The following YAF2 variants were observed in gnomAD, a reference collection of about 807,000 sequenced individuals.
YAF2 encodes the protein YY1 associated factor 2, also known as YY1-associated factor 2.
Under a neutral mutation model 20.1 loss-of-function variants are expected in YAF2, and 7 were observed. The observed-to-expected ratio is 0.35, with a 90% CI of 0.20 to 0.65. The LOEUF is 0.65. Ranked by LOEUF, YAF2 falls within the 30% of genes least tolerant of loss-of-function variation. The pLI, the probability that YAF2 is intolerant of heterozygous loss-of-function variation, is 0.69. For synonymous variants in YAF2, 74 were observed against 76.0 expected (o/e 0.97, Z 0.14); for missense variants, 151 against 219.2 (o/e 0.69, Z 1.96).
chr12:42,164,862 G>T (rs1334982190), intron 2 of YAF2, among the ~76,000 whole-genome samples: 1 of 151,982 alleles, frequency 6.6e-6, no homozygotes, highest in Non-Finnish European at 1.5e-5. Flanking sequence ...TTGAGTCCAG[G>T]AGTTCGAGGC....
At chr12:42,184,038 G>T (rs2066410820) in intron 2 of YAF2, among the ~76,000 whole-genome samples, 1 of 152,218 alleles carries the variant, frequency 6.6e-6, no homozygotes, top group African/African-American at 2.4e-5. Flanking sequence ...TAGCACATCT[G>T]TTTACAGCAT....
At chr12:42,170,968 G>GT (rs1321621003) in intron 2 of YAF2, among the ~76,000 whole-genome samples, 2 of 152,204 alleles carry the variant, frequency 1.3e-5, no homozygotes, top group South Asian at 4.1e-4. Flanking sequence ...CTAGAGCAAC[G>GT]TAAGTGGTCA....
chr12:42,172,504 A>AT (rs575551435), intron 2 of YAF2, among the ~76,000 whole-genome samples: 2 of 152,134 alleles, frequency 1.3e-5, no homozygotes, highest in Admixed American at 6.5e-5. Flanking sequence ...TGAGACCTGA[A>AT]TTTTTTTTAA....
At chr12:42,238,050 G>T in intron 1 of YAF2, 105 bp downstream of exon 1, 4 of 868,878 alleles carry the variant, frequency 4.6e-6, no homozygotes, top group Non-Finnish European at 5.9e-6. Context: ...CGCTGCCCCC[G>T]TGCTCGCCCC....
chr12:42,218,063 CTTAA>C (rs1292367786), intron 2 of YAF2, among the ~76,000 whole-genome samples: 2 of 152,096 alleles, frequency 1.3e-5, no homozygotes, highest in Non-Finnish European at 2.9e-5. Flanking sequence ...CTTTTACTGG[CTTAA>C]TTCTTAAGTC....
Position 42,237,703 on chromosome 12 carries a change from C to G in YAF2, c.48G>C (p.Pro16=), listed in dbSNP as rs1409103220. 6.4e-7 allele frequency: 1 copy of G among 1,565,830 alleles called. No homozygotes were observed. The highest frequency in any genetic ancestry group is 1.9e-5 in the Admixed American group (1 of 53,960). The change falls in exon 2 of 4, where the codon CCG becomes CCC. Residue 16 remains proline (P), a synonymous_variant. Coordinates refer to ENST00000534854, the MANE Select transcript of YAF2 (RefSeq NM_005748.6). ...SPTRPKRQPK[P]SSDEGYWDCS... is the part of the protein sequence containing the mutation. The stretch of plus-strand genomic sequence containing the variant: ...AGTCCCAGTAACCCTCATCCGAGGA[C>G]GGCTTCGGCTGCCGCTTCGGCCTGC...
chr12:42,226,945 G>A (rs2137355654), intron 2 of YAF2, among the ~76,000 whole-genome samples: 1 of 149,898 alleles, frequency 6.7e-6, no homozygotes, highest in East Asian at 2.0e-4. Flanking sequence ...CGCGGGTGGT[G>A]GTTGGCGCGG....
chr12:42,221,436 T>A (rs1421404178), intron 2 of YAF2, among the ~76,000 whole-genome samples: 1 of 147,418 alleles, frequency 6.8e-6, no homozygotes, highest in East Asian at 2.0e-4. Flanking sequence ...CTGGGTGTGA[T>A]GGAGCACGCC....
At chr12:42,233,139 C>G (rs1049450507) in intron 2 of YAF2, 15 of 985,148 alleles carry the variant, frequency 1.5e-5, no homozygotes, top group Non-Finnish European at 1.7e-5. Flanking sequence ...AGATATGAAC[C>G]CAGGTTACCA....
chr12:42,235,896 T>C, intron 2 of YAF2: 1 of 1,536,124 alleles, frequency 6.5e-7, no homozygotes, highest in Non-Finnish European at 8.7e-7. Context: ...AGCCTGTTTC[T>C]TCTCTTCTGA....
chr12:42,228,309 C>A (rs1264178234), intron 2 of YAF2, among the ~76,000 whole-genome samples: 1 of 67,536 alleles, frequency 1.5e-5, no homozygotes, highest in Non-Finnish European at 2.7e-5. Context: ...GGGGGGTCAG[C>A]CCCCCTGCCC....
intron 2 of YAF2, chr12:42,231,764 T>G (rs1195875107): frequency 6.6e-6 from 1 of 152,236 alleles, no homozygotes; most frequent in Non-Finnish European, 1.5e-5. Flanking sequence ...AAAGTCTTTA[T>G]ACACAGAAAC....
intron 2 of YAF2, among the ~76,000 whole-genome samples, chr12:42,221,939 T>C (rs1386472981): frequency 1.3e-5 from 2 of 152,252 alleles, no homozygotes; most frequent in African/African-American, 2.4e-5. Flanking sequence ...AAAACTTGTC[T>C]GGCTCAGGAT....
chr12:42,194,709 T>A (rs2066705758), intron 2 of YAF2, among the ~76,000 whole-genome samples: 2 of 152,360 alleles, frequency 1.3e-5, no homozygotes, highest in South Asian at 4.1e-4. Context: ...GTTGTACAGT[T>A]ACTCACTCAC....
rs564405247 is a variant in YAF2 at position 42,221,324 on chromosome 12, A to G, written c.152+16275T>C. The stretch of plus-strand genomic sequence containing the variant: ...ATGGTGGCTCACACCTGTAATCTCA[A>G]TACTTTGGGAGGCTGAGGCAGGAGG... On this transcript the variant is annotated intron_variant, in intron 2 of 3. Coordinates refer to ENST00000534854, the MANE Select transcript of YAF2 (RefSeq NM_005748.6). 2.9e-4 allele frequency among the ~76,000 whole-genome samples: 44 copies of G among 152,238 alleles called. 1 individual carries two copies. Among genetic ancestry groups the G allele is most frequent in the African/African-American group, 9.6e-4 (40 of 41,548 alleles).
intron 2 of YAF2, among the ~76,000 whole-genome samples, chr12:42,225,551 T>A (rs1417129324): frequency 6.6e-6 from 1 of 152,238 alleles, no homozygotes; most frequent in South Asian, 2.1e-4. Flanking sequence ...GAGTCAATTT[T>A]GTGTAAAGTG....
intron 2 of YAF2, among the ~76,000 whole-genome samples, chr12:42,180,267 C>G (rs1371171301): frequency 6.6e-6 from 1 of 152,218 alleles, no homozygotes; most frequent in Non-Finnish European, 1.5e-5. Context: ...ACTCTAGCTT[C>G]TACCCTCACT....
At chr12:42,217,299 C>T (rs1282067576) in intron 2 of YAF2, among the ~76,000 whole-genome samples, 2 of 151,974 alleles carry the variant, frequency 1.3e-5, no homozygotes, top group African/African-American at 4.8e-5. Context: ...ATTTTTAGTT[C>T]CCATACAGTT....
At chr12:42,171,271 G>A (rs934944368) in intron 2 of YAF2, among the ~76,000 whole-genome samples, 24 of 152,334 alleles carry the variant, frequency 1.6e-4, no homozygotes, top group Admixed American at 1.2e-3. Flanking sequence ...GATTACAGGT[G>A]TGAGCCACCA....
Sources: gnomAD v4.1 joint callset for allele counts (sites outside exome capture counted in the v4.1 genomes callset) on GRCh38, gnomAD v4.1.1 for gene constraint, MANE v1.5 for transcripts, NCBI Gene and HGNC (gene_info 2026-07-23, HGNC 2026-07-21) for gene names.